TTLL6: variants seen among roughly 807,000 people sequenced by gnomAD.
TTLL6 encodes the protein tubulin tyrosine ligase like 6.
Under a neutral mutation model 96.4 loss-of-function variants are expected in TTLL6, and 75 were observed. The ratio of observed to expected loss-of-function variants is 0.78; its 90% CI spans 0.65 to 0.94. The LOEUF (loss-of-function observed/expected upper bound fraction) is 0.94. TTLL6 is among the 40% of genes least tolerant of loss of function. The pLI is 0.00. For synonymous variants in TTLL6, 411 were observed against 419.4 expected (o/e 0.98, Z 0.24); for missense variants, 1,030 against 1,093.0 (o/e 0.94, Z 0.81).
intron 1 of TTLL6, among the ~76,000 whole-genome samples, chr17:48,809,205 G>A (rs1366705324): frequency 1.3e-5 from 2 of 152,208 alleles, no homozygotes; most frequent in Non-Finnish European, 2.9e-5. Context: ...TGACACCAGA[G>A]CAGGGGGAGG....
chr17:48,782,226 TC>T (rs2039000762), intron 13 of TTLL6, among the ~76,000 whole-genome samples: 1 of 150,548 alleles, frequency 6.6e-6, no homozygotes. Flanking sequence ...CTGCCTCAGC[TC>T]CCCGAGTAGC....
chr17:48,793,551 C>T (rs149328080), intron 8 of TTLL6, among the ~76,000 whole-genome samples: 2 of 150,780 alleles, frequency 1.3e-5, no homozygotes, highest in African/African-American at 2.4e-5. Context: ...GCCGGGATCG[C>T]GCCATTGCAC....
rs1464427755 is a variant in TTLL6, at chr17:48,785,130, A to AT, written c.1832dup (p.Asn611LysfsTer2). On this transcript the variant is annotated frameshift_variant, in exon 13 of 16. Transcript: ENST00000393382. LOFTEE classifies it high-confidence loss of function. ...CCTGGTTGAGGCTGCTGTCTGTTTCATTTTTCCTTTCACCTCTGACACTCA... is the reference window on the plus strand; with the variant it reads ...CCTGGTTGAGGCTGCTGTCTGTTTCATTTTTTCCTTTCACCTCTGACACTCA... The AT allele has an allele frequency of 6.2e-7, 1 of 1,614,008 alleles. No homozygotes were observed. Among genetic ancestry groups the AT allele is most frequent in the South Asian group, 1.1e-5 (1 of 91,074 alleles).
chr17:48,813,414 C>A (rs750121649), intron 1 of TTLL6, among the ~76,000 whole-genome samples: 5 of 152,144 alleles, frequency 3.3e-5, no homozygotes, highest in Non-Finnish European at 7.4e-5. Flanking sequence ...AATAAATAAG[C>A]CAGGTGTGGT....
chr17:48,786,383 C>A (rs188346334), intron 11 of TTLL6, 48 bp from the exon 12 acceptor site: 3 of 1,610,708 alleles, frequency 1.9e-6, no homozygotes, highest in East Asian at 4.5e-5. Flanking sequence ...AAATGCGCTG[C>A]GCAGGCAGGC....
At chr17:48,804,316 A>C (rs2039471258) in intron 2 of TTLL6, 2 of 488,120 alleles carry the variant, frequency 4.1e-6, no homozygotes, top group Non-Finnish European at 8.1e-6. Flanking sequence ...TATGAATAAG[A>C]AAGTGGACAA....
At chr17:48,783,083 A>T (rs925572353) in intron 13 of TTLL6, among the ~76,000 whole-genome samples, 1 of 152,196 alleles carries the variant, frequency 6.6e-6, no homozygotes, top group Non-Finnish European at 1.5e-5. Context: ...TTGAGGTATC[A>T]TATGTAGTAT....
rs2038758224 is a variant in TTLL6 at position 48,772,028 on chromosome 17, T to C, written c.2041-1931A>G. Among the ~76,000 whole-genome samples, 3 of 152,124 alleles carry C rather than the reference T, an allele frequency of 2.0e-5. No homozygotes were observed. The South Asian group carries it at 6.2e-4, about 32-fold the overall frequency. Reference sequence around the variant, plus strand: ...TGGCAGAGGTTGCAGTGAGCTGAGATTGCGCCACTGCACTCCAGAAGCCTG... The same window carrying C: ...TGGCAGAGGTTGCAGTGAGCTGAGACTGCGCCACTGCACTCCAGAAGCCTG... On this transcript the variant is annotated intron_variant, in intron 13 of 15. Transcript: ENST00000393382.
intron 14 of TTLL6, among the ~76,000 whole-genome samples, 190 bp downstream of exon 14, chr17:48,769,531 ATCTTTTT>A (rs893122307): frequency 6.6e-6 from 1 of 152,244 alleles, no homozygotes. Context: ...ATCTGTTTTT[ATCTTTTT>A]TGTCTTCCCA....
At chr17:48,806,513 C>A (rs566443254) in intron 1 of TTLL6, among the ~76,000 whole-genome samples, 1 of 152,186 alleles carries the variant, frequency 6.6e-6, no homozygotes, top group Non-Finnish European at 1.5e-5. Context: ...ATTTCAACCC[C>A]TCTCCTCCGA....
At chr17:48,782,546 G>A (rs183944758) in intron 13 of TTLL6, among the ~76,000 whole-genome samples, 3 of 152,246 alleles carry the variant, frequency 2.0e-5, no homozygotes, top group Non-Finnish European at 4.4e-5. Flanking sequence ...AGTTTGACAT[G>A]GTCTCATTTG....
chr17:48,805,145 T>C (rs552976582), intron 1 of TTLL6, among the ~76,000 whole-genome samples, 154 bp from the exon 2 acceptor site: 4 of 152,218 alleles, frequency 2.6e-5, no homozygotes, highest in Admixed American at 1.3e-4. Flanking sequence ...TGATGCAAGC[T>C]CAGGGAGGGA....
At position 48,817,182 on chromosome 17, in the gene TTLL6, A is replaced by G; in HGVS notation, c.-110T>C. The G allele has an allele frequency of 3.0e-6, 2 of 667,616 alleles. No homozygotes were observed. The highest frequency in any genetic ancestry group is 4.7e-6 in the Non-Finnish European group (2 of 423,378). The allele number at this position is 667,616 out of a possible 1,614,324, so 41.4% of individuals were successfully genotyped here. On this transcript the variant is annotated 5_prime_UTR_variant, in exon 1 of 16. Transcript: ENST00000393382. The stretch of plus-strand genomic sequence containing the variant: ...TAGGCCTTCGATTGGCCCCTGCAGT[A>G]GCTGCCATGCCCCCTCCCTCCCGAA...
intron 15 of TTLL6, among the ~76,000 whole-genome samples, chr17:48,763,861 G>A (rs2038538324): frequency 6.6e-6 from 1 of 152,192 alleles, no homozygotes; most frequent in African/African-American, 2.4e-5. Flanking sequence ...GCTAGCGGGA[G>A]GCTGAGGCAG....
At chr17:48,764,220 A>G (rs1415458933) in intron 15 of TTLL6, among the ~76,000 whole-genome samples, 1 of 152,204 alleles carries the variant, frequency 6.6e-6, no homozygotes, top group Admixed American at 6.5e-5. Flanking sequence ...GGACTCAGTG[A>G]CCAACCCACT....
chr17:48,789,716 G>A (rs533417371), intron 10 of TTLL6, among the ~76,000 whole-genome samples: 8 of 152,070 alleles, frequency 5.3e-5, no homozygotes, highest in East Asian at 1.9e-4. Flanking sequence ...CACCATACCC[G>A]GCTAATTTTT....
rs540470949 is a variant in TTLL6, at chr17:48,763,883, G to A, written c.*1-910C>T. On this transcript the variant is annotated intron_variant, in intron 15 of 15. Transcript: ENST00000393382. ...GGAGGCTGAGGCAGGAGAATAGCTT[G>A]AACCTGGGAAGCAGAGGTTGCAGTG... Among the ~76,000 whole-genome samples the A allele has an allele frequency of 7.2e-5, 11 of 152,302 alleles. No individual in the cohort carries two copies. In the East Asian group the frequency reaches 2.1e-3, roughly 29 times the overall value.
chr17:48,800,037 A>G (rs148320781), intron 5 of TTLL6: 5 of 406,704 alleles, frequency 1.2e-5, no homozygotes, highest in Non-Finnish European at 1.8e-5. Context: ...CCTCAACTTC[A>G]TCATCTATAC....
intron 1 of TTLL6, among the ~76,000 whole-genome samples, chr17:48,805,567 C>T (rs2039493356): frequency 6.6e-6 from 1 of 152,158 alleles, no homozygotes; most frequent in Admixed American, 6.5e-5. Flanking sequence ...TGTGTCTCTC[C>T]CACCATCCAT....
Sources: gnomAD v4.1 joint callset for allele counts (sites outside exome capture counted in the v4.1 genomes callset) on GRCh38, gnomAD v4.1.1 for gene constraint, MANE v1.5 for transcripts, NCBI Gene and HGNC (gene_info 2026-07-23, HGNC 2026-07-21) for gene names.